ARPP21: variants seen among roughly 807,000 people sequenced by gnomAD.
The protein encoded by ARPP21 is cAMP-regulated phosphoprotein 21.
Under a neutral mutation model 113.2 loss-of-function variants are expected in ARPP21, and 69 were observed. That is an observed-to-expected ratio of 0.61 (90% CI 0.50 to 0.74). The LOEUF is 0.74. Ranked by LOEUF, ARPP21 falls within the 30% of genes least tolerant of loss-of-function variation. The pLI, the probability that ARPP21 is intolerant of heterozygous loss-of-function variation, is 0.00. For missense variants in ARPP21, 1,070 were observed against 1,037.4 expected (o/e 1.03, Z -0.43); for synonymous variants, 368 against 375.5 (o/e 0.98, Z 0.23).
chr3:35,704,284 T>C (rs1160576545), intron 9 of ARPP21, among the ~76,000 whole-genome samples: 1 of 151,868 alleles, frequency 6.6e-6, no homozygotes, highest in Non-Finnish European at 1.5e-5. Flanking sequence ...TTTATATTAT[T>C]AATTAGAATA....
At chr3:35,644,598 T>G (rs1575362587) in intron 1 of ARPP21, among the ~76,000 whole-genome samples, 3 of 151,968 alleles carry the variant, frequency 2.0e-5, no homozygotes. Context: ...CCGAGACATA[T>G]CTGTGCTTTG....
rs1469269505 is a variant in ARPP21, at chr3:35,681,715, G to A, written c.-37G>A. The A allele has an allele frequency of 5.1e-6, 8 of 1,567,282 alleles. No individual in the cohort carries two copies. The highest frequency in any genetic ancestry group is 3.4e-4 in the Middle Eastern group (2 of 5,902). On this transcript the variant is annotated splice_region_variant and 5_prime_UTR_variant, in exon 3 of 21. Transcript: ENST00000684406. ...TTTTCTGATATCTTAACCTTCTAGG[G>A]CATAAAATCTTGTTATTTTAATTTG...
intron 1 of ARPP21, among the ~76,000 whole-genome samples, chr3:35,653,716 A>C (rs1168884058): frequency 1.3e-5 from 2 of 152,094 alleles, no homozygotes; most frequent in Non-Finnish European, 2.9e-5. Flanking sequence ...TGAGTTACGT[A>C]TAAAATACTT....
At chr3:35,746,336 G>A (rs894273094) in intron 19 of ARPP21, among the ~76,000 whole-genome samples, 10 of 152,150 alleles carry the variant, frequency 6.6e-5, no homozygotes, top group Admixed American at 2.6e-4. Flanking sequence ...ACAGCTGGGC[G>A]TCCTTTTGTT....
chr3:35,759,831 C>T (rs1042678149), intron 19 of ARPP21, among the ~76,000 whole-genome samples: 1 of 151,934 alleles, frequency 6.6e-6, no homozygotes, highest in Non-Finnish European at 1.5e-5. Context: ...TCTGCCCATT[C>T]TTTTTAAACT....
At chr3:35,658,820 T>C (rs1706252365) in intron 1 of ARPP21, among the ~76,000 whole-genome samples, 1 of 151,626 alleles carries the variant, frequency 6.6e-6, no homozygotes. Flanking sequence ...CAGGAGAGAG[T>C]GTACAAATGT....
chr3:35,752,794 C>A (rs1375214574), intron 19 of ARPP21, among the ~76,000 whole-genome samples: 2 of 151,984 alleles, frequency 1.3e-5, no homozygotes, highest in Non-Finnish European at 2.9e-5. Context: ...CAAGTTGTTG[C>A]AAAGGGAGAG....
At chr3:35,735,631 C>T (rs1422254360) in intron 15 of ARPP21, among the ~76,000 whole-genome samples, 1 of 152,218 alleles carries the variant, frequency 6.6e-6, no homozygotes, top group Non-Finnish European at 1.5e-5. Flanking sequence ...GCTGCCTCCA[C>T]CATCTCCCTT....
chr3:35,785,472 T>C (rs1161003220), intron 19 of ARPP21, among the ~76,000 whole-genome samples: 1 of 151,932 alleles, frequency 6.6e-6, no homozygotes, highest in East Asian at 1.9e-4. Context: ...TCCATTCCTC[T>C]AGTCATTTAA....
At chr3:35,792,976 T>C (rs2096776401) in intron 20 of ARPP21, among the ~76,000 whole-genome samples, 1 of 152,246 alleles carries the variant, frequency 6.6e-6, no homozygotes, top group African/African-American at 2.4e-5. Flanking sequence ...TTCTGGAGCC[T>C]AGCAACTACA....
At chr3:35,787,031 C>T (rs1030415626) in intron 19 of ARPP21, among the ~76,000 whole-genome samples, 1 of 151,988 alleles carries the variant, frequency 6.6e-6, no homozygotes, top group African/African-American at 2.4e-5. Context: ...GTGATGTGCC[C>T]CAGTAATGAA....
rs73059250 is a variant in ARPP21 at position 35,717,934 on chromosome 3, C to T, written c.995+577C>T. 4.6e-5 allele frequency among the ~76,000 whole-genome samples: 7 copies of T among 152,110 alleles called. No homozygotes were observed. In the East Asian group the frequency reaches 7.7e-4, roughly 17 times the overall value. ...GACTAGAAGCTCTATGAAAGCAGAGCGACCATACCCATTTTCTCACTGCTC... is the reference window on the plus strand; with the variant it reads ...GACTAGAAGCTCTATGAAAGCAGAGTGACCATACCCATTTTCTCACTGCTC... On this transcript the variant is annotated intron_variant, in intron 13 of 20. Transcript: ENST00000684406.
chr3:35,650,513 T>A (rs1366456541), intron 1 of ARPP21: 1 of 152,076 alleles, frequency 6.6e-6, no homozygotes, highest in Non-Finnish European at 1.5e-5. Flanking sequence ...ATGAATTAAT[T>A]CCAACAAATT....
At chr3:35,748,716 G>C (rs2095286537) in intron 19 of ARPP21, among the ~76,000 whole-genome samples, 1 of 152,134 alleles carries the variant, frequency 6.6e-6, no homozygotes, top group Admixed American at 6.5e-5. Flanking sequence ...TTAGTAGTTA[G>C]CTCTCATGCC....
intron 1 of ARPP21, among the ~76,000 whole-genome samples, chr3:35,651,553 C>T (rs2148988829): frequency 1.3e-5 from 2 of 152,150 alleles, no homozygotes; most frequent in East Asian, 3.9e-4. Context: ...GTGCTCTTAT[C>T]AAGAATAGTT....
chr3:35,741,330 T>C, intron 18 of ARPP21, among the ~76,000 whole-genome samples: 1 of 152,230 alleles, frequency 6.6e-6, no homozygotes, highest in East Asian at 1.9e-4. Context: ...TAGACATTTA[T>C]GAACTTCTTT....
Position 35,709,085 on chromosome 3 carries a change from T to C in ARPP21, c.897+15T>C. The C allele has an allele frequency of 1.9e-6, 3 of 1,568,690 alleles. No individual in the cohort carries two copies. The highest frequency in any genetic ancestry group is 2.6e-6 in the Non-Finnish European group (3 of 1,139,254). On this transcript the variant is annotated intron_variant, in intron 11 of 20. Coordinates refer to ENST00000684406, the MANE Select transcript of ARPP21 (RefSeq NM_001385562.1). ...TTGCACACGATGTGAGTAGTTGTTT[T>C]AATTGCCTCTTTAGTGCGCTCCTTC...
chr3:35,647,871 G>A (rs924880102), intron 1 of ARPP21, among the ~76,000 whole-genome samples: 9 of 152,130 alleles, frequency 5.9e-5, no homozygotes, highest in Non-Finnish European at 1.3e-4. Context: ...TTTATGAGGT[G>A]GGAATAAGAC....
At chr3:35,648,749 T>G (rs192831945) in intron 1 of ARPP21, among the ~76,000 whole-genome samples, 1 of 152,264 alleles carries the variant, frequency 6.6e-6, no homozygotes, top group East Asian at 1.9e-4. Flanking sequence ...CAGGAGAAGG[T>G]GAGTTATACA....
Sources: gnomAD v4.1 joint callset for allele counts (sites outside exome capture counted in the v4.1 genomes callset) on GRCh38, gnomAD v4.1.1 for gene constraint, MANE v1.5 for transcripts, NCBI Gene and HGNC (gene_info 2026-07-23, HGNC 2026-07-21) for gene names.